PTER: variants seen among roughly 807,000 people sequenced by gnomAD.
PTER encodes the protein phosphotriesterase related, also known as N-acetyltaurine hydrolase.
A neutral mutation model predicts 29.6 loss-of-function variants in PTER; 38 were observed. The observed-to-expected ratio is 1.28, with a 90% CI of 0.99 to 1.68. The LOEUF (loss-of-function observed/expected upper bound fraction) is 1.68, where lower values mean the gene tolerates loss of function less well. Among genes scored for constraint, PTER ranks in the 40% most tolerant of loss-of-function variants. The pLI, the probability that PTER is intolerant of heterozygous loss-of-function variation, is 0.00. For synonymous variants in PTER, 172 were observed against 154.5 expected (o/e 1.11, Z -0.84); for missense variants, 482 against 427.8 (o/e 1.13, Z -1.12).
At chr10:16,515,508 G>A (rs925945993), downstream of PTER, among the ~76,000 whole-genome samples, 8 of 152,104 alleles carry the variant, frequency 5.3e-5, no homozygotes, top group South Asian at 2.1e-4. Context: ...GAATGATTTC[G>A]TTGAATATCC....
At chr10:16,472,924 CATAAAAG>C (rs1484391565) in intron 1 of PTER, among the ~76,000 whole-genome samples, 1 of 150,426 alleles carries the variant, frequency 6.6e-6, no homozygotes, top group Non-Finnish European at 1.5e-5. Context: ...GTTGTCTGGA[CATAAAAG>C]ATAAAGTATT....
At chr10:16,449,062 G>A (rs1834111155) in intron 1 of PTER, among the ~76,000 whole-genome samples, 1 of 152,186 alleles carries the variant, frequency 6.6e-6, no homozygotes, top group Admixed American at 6.5e-5. Flanking sequence ...GAGTTGAACA[G>A]GGATGTGGTG....
At chr10:16,438,656 G>A (rs112677010) in intron 1 of PTER, among the ~76,000 whole-genome samples, 1 of 150,224 alleles carries the variant, frequency 6.7e-6, no homozygotes, top group Non-Finnish European at 1.5e-5. Flanking sequence ...GGCCAGGCGC[G>A]GTGGCTCACA....
At chr10:16,466,998 A>G (rs371240612) in intron 1 of PTER, among the ~76,000 whole-genome samples, 14 of 152,332 alleles carry the variant, frequency 9.2e-5, no homozygotes, top group African/African-American at 3.4e-4. Context: ...TCTGATTTTC[A>G]GTTGACTTCC....
chr10:16,455,839 A>G (rs1038438993), intron 1 of PTER, among the ~76,000 whole-genome samples: 3 of 152,228 alleles, frequency 2.0e-5, no homozygotes, highest in African/African-American at 7.2e-5. Context: ...TTGTGTTTGT[A>G]ATAGGTTTAT....
At position 16,461,873 on chromosome 10, in the gene PTER, A is replaced by G. The variant is rs1834625426; in HGVS notation, c.-48-22464A>G. ...TTATATGCATTTCCATTACTTTTTA[A>G]GACTTGAGTGATACCAAATCATTAC... On this transcript the variant is annotated intron_variant, in intron 1 of 4. Coordinates refer to ENST00000535784, the MANE Select transcript of PTER (RefSeq NM_001261836.2). Among the ~76,000 whole-genome samples, 5 of 152,152 alleles carry G rather than the reference A, an allele frequency of 3.3e-5. 1 individual carries two copies. The highest frequency in any genetic ancestry group is 3.3e-4 in the Admixed American group (5 of 15,270).
chr10:16,473,519 GAAAAAA>G (rs72001271), intron 1 of PTER, among the ~76,000 whole-genome samples: 5 of 28,168 alleles, frequency 1.8e-4, no homozygotes, highest in African/African-American at 2.9e-4. Flanking sequence ...GACTCCATCC[GAAAAAA>G]AAAAAAAAAA....
chr10:16,480,304 C>A (rs534917088), intron 1 of PTER, among the ~76,000 whole-genome samples: 84 of 151,610 alleles, frequency 5.5e-4, no homozygotes, highest in African/African-American at 1.9e-3. Context: ...ATTCTCCTGC[C>A]TCAGCCTCCC....
chr10:16,514,359 CATA>C, downstream of PTER: 1 of 597,604 alleles, frequency 1.7e-6, no homozygotes, highest in Non-Finnish European at 3.0e-6. Flanking sequence ...ATATTTTTTA[CATA>C]ATGTTTCTGA....
chr10:16,516,425 T>C (rs1836951820), downstream of PTER, among the ~76,000 whole-genome samples: 1 of 152,206 alleles, frequency 6.6e-6, no homozygotes, highest in Non-Finnish European at 1.5e-5. Context: ...CTATTATGAC[T>C]TGTGTTTTTT....
At chr10:16,463,800 G>C (rs889922562) in intron 1 of PTER, among the ~76,000 whole-genome samples, 7 of 152,176 alleles carry the variant, frequency 4.6e-5, no homozygotes, top group Non-Finnish European at 8.8e-5. Flanking sequence ...AGAGGTCATG[G>C]TTGTTATACT....
intron 3 of PTER, among the ~76,000 whole-genome samples, chr10:16,503,011 T>C (rs1432339449): frequency 8.0e-6 from 1 of 125,030 alleles, no homozygotes; most frequent in East Asian, 2.8e-4. Context: ...AAAAAAAAAA[T>C]CTCTGAAAAT....
rs1554787494 is a variant in PTER at position 16,456,859 on chromosome 10, A to AGTT, written c.-49+19813_-49+19814insTTG. ...GTGGGAGGTAACTGAACCATGGGGA[A>AGTT]GGTGGGGGGGGGTTCCGCCATGCTG... On this transcript the variant is annotated intron_variant, in intron 1 of 4. Transcript: ENST00000535784. 6.6e-4 allele frequency among the ~76,000 whole-genome samples: 37 copies of AGTT among 56,160 alleles called. 1 individual carries two copies. Among genetic ancestry groups the AGTT allele is most frequent in the Admixed American group, 6.3e-3 (34 of 5,434 alleles). The allele number at this position is 56,160 out of a possible 152,430, so 36.8% of individuals were successfully genotyped here.
downstream of PTER, among the ~76,000 whole-genome samples, chr10:16,516,321 A>T (rs1219016805): frequency 6.6e-6 from 1 of 152,206 alleles, no homozygotes; most frequent in East Asian, 1.9e-4. Flanking sequence ...TTTTCTAAAG[A>T]TTAATCATGA....
chr10:16,473,615 C>T (rs1228002537), intron 1 of PTER, among the ~76,000 whole-genome samples: 1 of 150,664 alleles, frequency 6.6e-6, no homozygotes, highest in East Asian at 2.0e-4. Context: ...TGCATCTCCG[C>T]ATCTTTTTCT....
At chr10:16,504,584 G>A (rs935297912) in intron 3 of PTER, among the ~76,000 whole-genome samples, 6 of 152,128 alleles carry the variant, frequency 3.9e-5, no homozygotes, top group Non-Finnish European at 5.9e-5. Flanking sequence ...ACCCAGATTA[G>A]CATTACTCAC....
At chr10:16,465,041 G>T (rs1189886855) in intron 1 of PTER, among the ~76,000 whole-genome samples, 1 of 152,032 alleles carries the variant, frequency 6.6e-6, no homozygotes, top group Non-Finnish European at 1.5e-5. Context: ...GCATGAGAAA[G>T]ACCCACCCCC....
At chr10:16,509,318 T>G (rs992965163) in intron 4 of PTER, among the ~76,000 whole-genome samples, 1 of 152,196 alleles carries the variant, frequency 6.6e-6, no homozygotes, top group African/African-American at 2.4e-5. Context: ...GATTCTTGAC[T>G]TAATGGGTTC....
At position 16,484,679 on chromosome 10, in the gene PTER, A is replaced by G. The variant is rs181845043; in HGVS notation, c.295A>G (p.Thr99Ala). The G allele has an allele frequency of 6.6e-5, 106 of 1,614,182 alleles. 1 individual carries two copies. Among genetic ancestry groups the G allele is most frequent in the Non-Finnish European group, 4.2e-6 (5 of 1,180,018 alleles). Residue 99 changes from threonine (T) to alanine (A), a missense_variant, in exon 2 of 5, where the codon ACA becomes GCA. Thr to Ala is a moderately conservative substitution (Grantham distance 58). Transcript: ENST00000535784. The part of the protein sequence containing the change: ...ANGGGALVEN[T>A]TTGISRDTQT... Reference sequence around the variant, plus strand: ...TGGTGGAGGGGCTTTGGTGGAAAACACAACCACTGGGATTAGCCGAGACAC... The same window carrying G: ...TGGTGGAGGGGCTTTGGTGGAAAACGCAACCACTGGGATTAGCCGAGACAC...
Sources: gnomAD v4.1 joint callset for allele counts (sites outside exome capture counted in the v4.1 genomes callset) on GRCh38, gnomAD v4.1.1 for gene constraint, MANE v1.5 for transcripts, NCBI Gene and HGNC (gene_info 2026-07-23, HGNC 2026-07-21) for gene names.